The following DOCK8 variants were observed in gnomAD, a reference collection of about 807,000 sequenced individuals.
DOCK8 encodes the protein dedicator of cytokinesis protein 8.
A neutral mutation model predicts 245.6 loss-of-function variants in DOCK8; 141 were observed. The ratio of observed to expected loss-of-function variants is 0.57; its 90% CI spans 0.50 to 0.66. DOCK8 has a LOEUF of 0.66. DOCK8 is among the 30% of genes least tolerant of loss of function. The pLI, the probability that DOCK8 is intolerant of heterozygous loss-of-function variation, is 0.00. For missense variants in DOCK8, 2,965 were observed against 2,603.4 expected, an observed-to-expected ratio of 1.14 and a Z score of -3.02; for synonymous variants, 1,168 against 970.2, an observed-to-expected ratio of 1.20 and a Z score of -3.79.
chr9:237,975 C>T (rs1052516574), intron 1 of DOCK8, among the ~76,000 whole-genome samples: 4 of 152,144 alleles, frequency 2.6e-5, no homozygotes, highest in African/African-American at 9.7e-5. Context: ...TGTGGAATAG[C>T]TGAGTTATAG....
intron 10 of DOCK8, among the ~76,000 whole-genome samples, chr9:333,316 C>G (rs116409995): frequency 0.013 from 2,043 of 152,292 alleles, 44 homozygotes; most frequent in African/African-American, 0.046. Context: ...TAAAACATGG[C>G]CTTGGCCGGG....
intron 6 of DOCK8, among the ~76,000 whole-genome samples, chr9:313,427 T>C (rs901294411): frequency 6.6e-6 from 1 of 152,242 alleles, no homozygotes; most frequent in Admixed American, 6.5e-5. Context: ...TTTCTTATCC[T>C]GATTTTCTAA....
chr9:304,966 C>T (rs146906092), intron 5 of DOCK8, among the ~76,000 whole-genome samples: 64 of 152,160 alleles, frequency 4.2e-4, no homozygotes, highest in African/African-American at 1.5e-3. Context: ...ACCTTGGGCC[C>T]ATCCCTACGA....
chr9:212,155 G>A (rs1185869077), upstream of DOCK8, among the ~76,000 whole-genome samples: 1 of 152,138 alleles, frequency 6.6e-6, no homozygotes, highest in Non-Finnish European at 1.5e-5. Context: ...TGGTTGCTAT[G>A]AATTAATTTT....
At chr9:350,857 G>C (rs2052132465) in intron 14 of DOCK8, among the ~76,000 whole-genome samples, 1 of 152,312 alleles carries the variant, frequency 6.6e-6, no homozygotes, top group East Asian at 1.9e-4. Context: ...TGGTGCCAAA[G>C]AATGGACATA....
intron 22 of DOCK8, among the ~76,000 whole-genome samples, chr9:385,929 T>C (rs1479703376): frequency 1.3e-5 from 2 of 152,200 alleles, no homozygotes; most frequent in African/African-American, 4.8e-5. Context: ...TCCACTTCCC[T>C]TCAGAGGTAG....
At chr9:283,634 A>T (rs1284405393) in intron 2 of DOCK8, among the ~76,000 whole-genome samples, 1 of 152,176 alleles carries the variant, frequency 6.6e-6, no homozygotes, top group Non-Finnish European at 1.5e-5. Flanking sequence ...TCTAAATGAA[A>T]ACATGTGATA....
intron 46 of DOCK8, among the ~76,000 whole-genome samples, chr9:455,475 A>T (rs1387441282): frequency 6.6e-6 from 1 of 152,112 alleles, no homozygotes; most frequent in African/African-American, 2.4e-5. Flanking sequence ...GTGCCACTGC[A>T]CTCCAGCCTG....
chr9:234,370 G>T (rs553729735), intron 1 of DOCK8, among the ~76,000 whole-genome samples: 5 of 152,198 alleles, frequency 3.3e-5, no homozygotes, highest in African/African-American at 1.2e-4. Context: ...TGACAATTAT[G>T]TGTCTTGGAA....
upstream of DOCK8, chr9:214,466 T>G (rs573014387): frequency 2.5e-5 from 40 of 1,577,254 alleles, no homozygotes; most frequent in Admixed American, 1.6e-4. Flanking sequence ...TTTTTTTGGC[T>G]GCCTTCTTCG....
chr9:336,282 C>T (rs183993019), intron 11 of DOCK8, among the ~76,000 whole-genome samples: 130 of 152,288 alleles, frequency 8.5e-4, no homozygotes, highest in Admixed American at 8.5e-4. Flanking sequence ...TATCAGGAGA[C>T]CCTGTTCTGG....
intron 2 of DOCK8, among the ~76,000 whole-genome samples, chr9:285,759 A>T (rs910188357): frequency 1.3e-5 from 2 of 152,194 alleles, no homozygotes; most frequent in African/African-American, 4.8e-5. Flanking sequence ...AAAATTGAAG[A>T]GCAAAGAACA....
At chr9:216,381 A>G (rs1183511135) in intron 1 of DOCK8, among the ~76,000 whole-genome samples, 1 of 151,938 alleles carries the variant, frequency 6.6e-6, no homozygotes, top group East Asian at 1.9e-4. Context: ...AAATAATTTT[A>G]AAACATTAGC....
chr9:368,039 A>G lies in DOCK8; in HGVS notation c.1701A>G (p.Pro567=). The part of the protein sequence containing the change: ...TVYRNLLYVY[P]QRLNFVNKLA... ...CCAGAAACCTTCTCTATGTCTACCCACAGAGGCTGAACTTTGTAAACAAAC... is the reference window on the plus strand; with the variant it reads ...CCAGAAACCTTCTCTATGTCTACCCGCAGAGGCTGAACTTTGTAAACAAAC... Residue 567 remains proline (P), a synonymous_variant, in exon 15 of 48, where the codon CCA becomes CCG. Coordinates refer to ENST00000432829, the MANE Select transcript of DOCK8 (RefSeq NM_203447.4). 1.2e-6 allele frequency: 2 copies of G among 1,614,114 alleles called. No homozygotes were observed. The highest frequency in any genetic ancestry group is 1.7e-6 in the Non-Finnish European group (2 of 1,179,950).
intron 1 of DOCK8, among the ~76,000 whole-genome samples, chr9:220,119 CTTTA>C (rs2046849597): frequency 6.6e-6 from 1 of 152,178 alleles, no homozygotes; most frequent in Non-Finnish European, 1.5e-5. Context: ...TCAGGAATTG[CTTTA>C]TTTGTCTGAT....
At chr9:460,011 G>C (rs150934895) in intron 46 of DOCK8, 2 of 152,324 alleles carry the variant, frequency 1.3e-5, no homozygotes, top group East Asian at 3.9e-4. Flanking sequence ...AAGGTTCTAG[G>C]AGAGCACATT....
intron 3 of DOCK8, 71 bp downstream of exon 3, chr9:286,707 A>T (rs376725333): frequency 1.4e-6 from 2 of 1,419,562 alleles, no homozygotes. Context: ...GGTAGGGGAG[A>T]TGCCTTCAAT....
chr9:248,865 A>G (rs1289036520), intron 1 of DOCK8, among the ~76,000 whole-genome samples: 1 of 152,004 alleles, frequency 6.6e-6, no homozygotes, highest in African/African-American at 2.4e-5. Flanking sequence ...AAAAATAGAG[A>G]CTCTCCAGAA....
chr9:288,196 G>A (rs1479879310), intron 3 of DOCK8, among the ~76,000 whole-genome samples: 1 of 152,034 alleles, frequency 6.6e-6, no homozygotes, highest in Non-Finnish European at 1.5e-5. Context: ...TACTATTTCA[G>A]TTGTTGCCAA....
Sources: allele counts gnomAD v4.1 joint callset (sites outside exome capture counted in the v4.1 genomes callset), GRCh38; gene constraint gnomAD v4.1.1; transcripts MANE v1.5; gene names NCBI Gene and HGNC (gene_info 2026-07-23, HGNC 2026-07-21).